Variants in BTBD1 observed in about 807,000 individuals in gnomAD.
The protein encoded by BTBD1 is BTB/POZ domain-containing protein 1.
Under a neutral mutation model 48.0 loss-of-function variants are expected in BTBD1, and 34 were observed. The ratio of observed to expected loss-of-function variants is 0.71; its 90% CI spans 0.54 to 0.94. The LOEUF (loss-of-function observed/expected upper bound fraction) is 0.94, where lower values mean the gene tolerates loss of function less well. Ranked by LOEUF, BTBD1 falls within the 40% of genes least tolerant of loss-of-function variation. BTBD1 has a pLI of 0.00. For missense variants in BTBD1, 543 were observed against 625.6 expected (o/e 0.87, Z 1.41); for synonymous variants, 261 against 242.1 (o/e 1.08, Z -0.72).
intron 6 of BTBD1, among the ~76,000 whole-genome samples, chr15:83,019,543 A>G (rs2032243807): frequency 6.7e-6 from 1 of 149,604 alleles, no homozygotes; most frequent in African/African-American, 2.5e-5. Flanking sequence ...TAATGTACCT[A>G]TAATCCTGAT....
intron 4 of BTBD1, among the ~76,000 whole-genome samples, chr15:83,033,752 A>G (rs1401976193): frequency 6.6e-6 from 1 of 151,072 alleles, no homozygotes; most frequent in Non-Finnish European, 1.5e-5. Context: ...TAATTTTTAA[A>G]TTTTTTTTTG....
chr15:83,042,348 T>TTATATATATATATATACATATATATATA (rs1816235706), intron 3 of BTBD1, among the ~76,000 whole-genome samples: 2 of 109,896 alleles, frequency 1.8e-5, no homozygotes, highest in African/African-American at 7.4e-5. Context: ...TTAGGCAATT[T>TTATATATATATATATACATATATATATA]TATATATATA....
At chr15:83,046,861 G>C (rs140106606) in intron 3 of BTBD1, among the ~76,000 whole-genome samples, 15 of 152,282 alleles carry the variant, frequency 9.9e-5, no homozygotes, top group South Asian at 2.1e-4. Context: ...ACTAACAACA[G>C]GATGTTAGAA....
intron 5 of BTBD1, chr15:83,029,619 C>A (rs1329175584): frequency 6.5e-6 from 1 of 153,628 alleles, no homozygotes; most frequent in East Asian, 1.9e-4. Flanking sequence ...CCCCTGTAAC[C>A]CCAGCACTTT....
chr15:83,033,146 G>C (rs1210902011), intron 4 of BTBD1, among the ~76,000 whole-genome samples: 1 of 151,954 alleles, frequency 6.6e-6, no homozygotes, highest in African/African-American at 2.4e-5. Flanking sequence ...GATTGTTTGA[G>C]GCCAGAATTT....
In BTBD1 at chr15:83,036,982, T is replaced by C. The variant is rs533070123; in HGVS notation, c.862+4746A>G. Among the ~76,000 whole-genome samples, 3 of 152,332 alleles carry C rather than the reference T, an allele frequency of 2.0e-5. No individual in the cohort carries two copies. In the South Asian group the frequency reaches 6.2e-4, roughly 32 times the overall value. On this transcript the variant is annotated intron_variant, in intron 4 of 7. Transcript: ENST00000261721. ...GTAGGATAAATTGGTTAAATAAGTA[T>C]GTTCACTTTATTTGTTAATTTTACT...
At chr15:83,022,238 C>A (rs1483031966) in intron 5 of BTBD1, 1 of 139,356 alleles carries the variant, frequency 7.2e-6, no homozygotes, top group Non-Finnish European at 1.5e-5. Context: ...TTTTTTTTTA[C>A]AGATGGAGTC....
At chr15:83,037,513 C>T (rs1033887314) in intron 4 of BTBD1, among the ~76,000 whole-genome samples, 1 of 152,126 alleles carries the variant, frequency 6.6e-6, no homozygotes, top group Non-Finnish European at 1.5e-5. Context: ...AAGCCCTCAA[C>T]AAACTAGGCA....
intron 2 of BTBD1, among the ~76,000 whole-genome samples, chr15:83,053,988 A>T (rs915556506): frequency 4.6e-5 from 7 of 152,202 alleles, no homozygotes; most frequent in Admixed American, 3.3e-4. Context: ...ACTGCTGTCT[A>T]GTGTAATAAG....
chr15:83,042,491 C>G (rs2032787316), intron 3 of BTBD1, among the ~76,000 whole-genome samples: 1 of 151,614 alleles, frequency 6.6e-6, no homozygotes, highest in African/African-American at 2.4e-5. Flanking sequence ...TCAAGCAATT[C>G]TCCTGCCTCA....
intron 1 of BTBD1, among the ~76,000 whole-genome samples, chr15:83,062,455 A>T (rs2033191369): frequency 6.6e-6 from 1 of 152,310 alleles, no homozygotes; most frequent in African/African-American, 2.4e-5. Context: ...AAGCAAGAAT[A>T]AATTATTGCT....
chr15:83,043,636 T>C (rs1027965539), intron 3 of BTBD1, among the ~76,000 whole-genome samples: 11 of 152,138 alleles, frequency 7.2e-5, no homozygotes, highest in Admixed American at 3.3e-4. Flanking sequence ...TTGGAACATA[T>C]TCTGAAGGAA....
At chr15:83,051,002 T>C (rs1475308142) in intron 2 of BTBD1, among the ~76,000 whole-genome samples, 1 of 149,796 alleles carries the variant, frequency 6.7e-6, no homozygotes. Context: ...ATGTGCTTTA[T>C]CAATACATAT....
At chr15:83,066,527 T>C (rs547306990) in intron 1 of BTBD1, among the ~76,000 whole-genome samples, 4 of 152,236 alleles carry the variant, frequency 2.6e-5, no homozygotes, top group African/African-American at 4.8e-5. Flanking sequence ...GCTTGCCTAA[T>C]GAAGACACTA....
At chr15:83,025,075 G>A (rs984019020) in intron 5 of BTBD1, among the ~76,000 whole-genome samples, 2 of 151,856 alleles carry the variant, frequency 1.3e-5, no homozygotes, top group African/African-American at 2.4e-5. Flanking sequence ...TTTGCCAGCC[G>A]GGTGTGGTTG....
chr15:83,062,284 C>T (rs546941804), intron 1 of BTBD1, among the ~76,000 whole-genome samples: 2 of 152,044 alleles, frequency 1.3e-5, no homozygotes, highest in East Asian at 3.9e-4. Context: ...TAAGTCTAAA[C>T]GCAGTAGTTT....
At chr15:83,034,033 A>G (rs1259711014) in intron 4 of BTBD1, among the ~76,000 whole-genome samples, 1 of 150,760 alleles carries the variant, frequency 6.6e-6, no homozygotes, top group Non-Finnish European at 1.5e-5. Flanking sequence ...CGCTGGAGTA[A>G]GCTGAGATCA....
At chr15:83,056,266 T>A (rs969897464) in intron 2 of BTBD1, 123 bp downstream of exon 2, 10 of 647,330 alleles carry the variant, frequency 1.5e-5, no homozygotes, top group Non-Finnish European at 2.5e-5. Flanking sequence ...ATTTGTATTA[T>A]AAAAATCATT....
At chr15:83,026,294 C>T (rs571633885) in intron 5 of BTBD1, among the ~76,000 whole-genome samples, 22 of 152,150 alleles carry the variant, frequency 1.4e-4, no homozygotes, top group African/African-American at 4.3e-4. Context: ...GTTCTCAAAA[C>T]GAGTTCCACC....
Sources: gnomAD v4.1 joint callset for allele counts (sites outside exome capture counted in the v4.1 genomes callset) on GRCh38, gnomAD v4.1.1 for gene constraint, MANE v1.5 for transcripts, NCBI Gene and HGNC (gene_info 2026-07-23, HGNC 2026-07-21) for gene names.